TMEM229B: variants seen among roughly 807,000 people sequenced by gnomAD.
TMEM229B encodes transmembrane protein 229B.
TMEM229B carries 6 observed loss-of-function variants against 13.7 expected under a neutral mutation model. That is an observed-to-expected ratio of 0.44 (90% CI 0.24 to 0.86). The LOEUF (loss-of-function observed/expected upper bound fraction) is 0.86, where lower values mean the gene tolerates loss of function less well. Ranked by LOEUF, TMEM229B falls within the 40% of genes least tolerant of loss-of-function variation. The pLI, the probability that TMEM229B is intolerant of heterozygous loss-of-function variation, is 0.23. For missense variants in TMEM229B, 170 were observed against 236.0 expected, an observed-to-expected ratio of 0.72 and a Z score of 1.83; for synonymous variants, 107 against 102.1, an observed-to-expected ratio of 1.05 and a Z score of -0.29.
chr14:67,506,172 A>G (rs1403432873), intron 1 of TMEM229B, among the ~76,000 whole-genome samples: 3 of 152,120 alleles, frequency 2.0e-5, no homozygotes, highest in Admixed American at 1.3e-4. Context: ...GAGTGGATGT[A>G]TTTTTATTTT....
chr14:67,526,390 C>T (rs964022178), intron 1 of TMEM229B, among the ~76,000 whole-genome samples: 3 of 152,242 alleles, frequency 2.0e-5, no homozygotes, highest in Non-Finnish European at 4.4e-5. Flanking sequence ...GGAATGAGTG[C>T]CAAGCTGACG....
rs138097763 is a variant in TMEM229B at position 67,477,812 on chromosome 14, C to G, written c.-18-3871G>C. Among the ~76,000 whole-genome samples the G allele has an allele frequency of 1.1e-3, 173 of 152,288 alleles. 1 individual carries two copies. The highest frequency in any genetic ancestry group is 3.9e-3 in the African/African-American group (164 of 41,542). On this transcript the variant is annotated intron_variant, in intron 2 of 2. Coordinates refer to ENST00000554480, the MANE Select transcript of TMEM229B (RefSeq NM_001348543.2). The stretch of plus-strand genomic sequence containing the variant: ...CAAACCCATTATCTTTTCCCCAAAA[C>G]CTGTTTCTCTCCTAAGACCCCCACC...
intron 1 of TMEM229B, among the ~76,000 whole-genome samples, chr14:67,502,517 A>G (rs1338864082): frequency 7.1e-6 from 1 of 140,682 alleles, no homozygotes; most frequent in African/African-American, 2.6e-5. Flanking sequence ...CAATGGCATG[A>G]TCTCAGCTCA....
At chr14:67,499,192 T>A (rs998460911) in intron 1 of TMEM229B, among the ~76,000 whole-genome samples, 22 of 151,794 alleles carry the variant, frequency 1.4e-4, no homozygotes, top group African/African-American at 5.3e-4. Flanking sequence ...TTTGTAGATA[T>A]GGGGTCCTGC....
In TMEM229B at chr14:67,472,448, T is replaced by C. The variant is rs11845739; in HGVS notation, c.*972A>G. On this transcript the variant is annotated 3_prime_UTR_variant, in exon 3 of 3. Transcript: ENST00000554480. ...TGGATCCACAGGGCCTAACCCAGCC[T>C]GCCTGTGCATTGGAGGGCATCATTT... The C allele has an allele frequency of 0.16, 24,381 of 152,392 alleles. 2,827 individuals are homozygous for C. The highest frequency in any genetic ancestry group is 0.32 in the African/African-American group (13,233 of 41,486). 9.4% of individuals were successfully genotyped at this position (152,392 alleles called of 1,614,324 possible).
chr14:67,486,637 T>C (rs954989019), intron 2 of TMEM229B, among the ~76,000 whole-genome samples: 2 of 152,166 alleles, frequency 1.3e-5, no homozygotes, highest in Admixed American at 6.5e-5. Context: ...CTACCAACCT[T>C]GTAATATGTG....
intron 2 of TMEM229B, among the ~76,000 whole-genome samples, chr14:67,478,861 G>A (rs1264509529): frequency 6.6e-6 from 1 of 152,114 alleles, no homozygotes; most frequent in Non-Finnish European, 1.5e-5. Flanking sequence ...TCATCTGAAC[G>A]CCAGCACCAG....
chr14:67,507,605 T>C (rs2032874069), intron 1 of TMEM229B, among the ~76,000 whole-genome samples: 1 of 152,082 alleles, frequency 6.6e-6, no homozygotes, highest in African/African-American at 2.4e-5. Context: ...TGCGCCACCA[T>C]GTCCAACTAA....
intron 1 of TMEM229B, among the ~76,000 whole-genome samples, chr14:67,501,738 C>T (rs2032618877): frequency 6.6e-6 from 1 of 152,206 alleles, no homozygotes; most frequent in Non-Finnish European, 1.5e-5. Flanking sequence ...AGTCCCCTAT[C>T]TAAGAGCCTT....
intron 1 of TMEM229B, among the ~76,000 whole-genome samples, chr14:67,523,220 G>A (rs1455949704): frequency 1.3e-5 from 2 of 151,978 alleles, no homozygotes; most frequent in East Asian, 1.9e-4. Context: ...CTACTCGGGA[G>A]GCTAAGGCAG....
At chr14:67,478,143 G>A (rs532599891) in intron 2 of TMEM229B, among the ~76,000 whole-genome samples, 40 of 152,346 alleles carry the variant, frequency 2.6e-4, no homozygotes, top group African/African-American at 8.4e-4. Flanking sequence ...CTGGGGCAGC[G>A]TAGCTCCACT....
rs148175894 is a variant in TMEM229B at position 67,495,801 on chromosome 14, A to G, written c.-191-8629T>C. 3.1e-3 allele frequency among the ~76,000 whole-genome samples: 472 copies of G among 152,172 alleles called. 2 individuals are homozygous for G. The Middle Eastern group carries it at 0.048, about 15-fold the overall frequency. On this transcript the variant is annotated intron_variant, in intron 1 of 2. Coordinates refer to the TMEM229B transcript ENST00000357461. ...GCCCAGCCAGCCTTCTGGATTTTAT[A>G]TTTTATTTCCCCTAAAGTTACATGC...
chr14:67,487,733 A>C (rs2031960639), intron 1 of TMEM229B, among the ~76,000 whole-genome samples: 1 of 152,150 alleles, frequency 6.6e-6, no homozygotes, highest in Non-Finnish European at 1.5e-5. Context: ...CTTCCTATGA[A>C]CATCAGTAAC....
At chr14:67,533,089 G>A (rs2033520314) in intron 1 of TMEM229B, among the ~76,000 whole-genome samples, 1 of 152,164 alleles carries the variant, frequency 6.6e-6, no homozygotes, top group Non-Finnish European at 1.5e-5. Context: ...CTCTCCGCGA[G>A]CTGCCTGGAG....
chr14:67,514,449 C>T (rs1446502764), intron 1 of TMEM229B, among the ~76,000 whole-genome samples: 1 of 152,194 alleles, frequency 6.6e-6, no homozygotes. Context: ...GAAGAGCTGG[C>T]AGCCAGGGGG....
intron 1 of TMEM229B, among the ~76,000 whole-genome samples, chr14:67,507,344 G>A (rs911763544): frequency 4.6e-5 from 7 of 151,994 alleles, no homozygotes; most frequent in Non-Finnish European, 8.8e-5. Context: ...ACAACATCCT[G>A]TCTCTAAAAT....
At chr14:67,508,333 TC>T (rs1245626862) in intron 1 of TMEM229B, among the ~76,000 whole-genome samples, 1 of 152,016 alleles carries the variant, frequency 6.6e-6, no homozygotes, top group Non-Finnish European at 1.5e-5. Context: ...TCAGCCTTTC[TC>T]AGGAAAGGCT....
Position 67,479,410 on chromosome 14 carries a change from CA to C in TMEM229B, c.-18-5470del, listed in dbSNP as rs149239926. Among the ~76,000 whole-genome samples the C allele has an allele frequency of 7.2e-3, 909 of 125,742 alleles. 2 individuals are homozygous for C. Among genetic ancestry groups the C allele is most frequent in the African/African-American group, 0.011 (404 of 35,150 alleles). The allele number at this position is 125,742 out of a possible 152,430, so 82.5% of individuals were successfully genotyped here. On this transcript the variant is annotated intron_variant, in intron 2 of 2. Transcript: ENST00000554480. ...TGGGCTACAGAGCAAGACTCTGTCT[CA>C]AAAAAAAAAAAAAATGCTTGTGGAA... is the stretch of plus-strand genomic sequence containing the variant.
At chr14:67,478,319 C>T (rs1465089653) in intron 2 of TMEM229B, among the ~76,000 whole-genome samples, 1 of 152,252 alleles carries the variant, frequency 6.6e-6, no homozygotes, top group Non-Finnish European at 1.5e-5. Flanking sequence ...GGGAAAGCCA[C>T]CAAGTCAGCT....
Sources: gnomAD v4.1 joint callset for allele counts (sites outside exome capture counted in the v4.1 genomes callset) on GRCh38, gnomAD v4.1.1 for gene constraint, MANE v1.5 for transcripts, NCBI Gene and HGNC (gene_info 2026-07-23, HGNC 2026-07-21) for gene names.